Variants in EYS observed in about 807,000 individuals in gnomAD.
EYS encodes protein eyes shut homolog.
EYS carries 250 observed loss-of-function variants against 282.1 expected under a neutral mutation model. That is an observed-to-expected ratio of 0.89 (90% CI 0.80 to 0.98). The LOEUF (loss-of-function observed/expected upper bound fraction) is 0.98, where lower values mean the gene tolerates loss of function less well. Ranked by LOEUF, EYS falls within the 50% of genes least tolerant of loss-of-function variation. The pLI is 0.00. For missense variants in EYS, 4,016 were observed against 3,709.0 expected, an observed-to-expected ratio of 1.08 and a Z score of -2.15; for synonymous variants, 1,355 against 1,282.9, an observed-to-expected ratio of 1.06 and a Z score of -1.20.
intron 36 of EYS, among the ~76,000 whole-genome samples, chr6:63,838,853 A>G (rs1024606875): frequency 3.3e-5 from 5 of 152,108 alleles, no homozygotes; most frequent in African/African-American, 4.8e-5. Context: ...CAGTCTCTTC[A>G]TAAGTGATCT....
intron 31 of EYS, among the ~76,000 whole-genome samples, chr6:64,225,426 C>T (rs543893927): frequency 1.8e-4 from 28 of 152,036 alleles, no homozygotes; most frequent in African/African-American, 6.7e-4. Flanking sequence ...AGAGATTATC[C>T]TGGATTATCT....
chr6:64,786,557 T>A (rs1450539495), intron 22 of EYS, among the ~76,000 whole-genome samples: 1 of 152,102 alleles, frequency 6.6e-6, no homozygotes, highest in African/African-American at 2.4e-5. Context: ...GCAGGGGCAC[T>A]GGTTCTACTT....
chr6:63,981,839 A>G (rs1767112086), intron 35 of EYS, among the ~76,000 whole-genome samples: 1 of 151,868 alleles, frequency 6.6e-6, no homozygotes, highest in Admixed American at 6.6e-5. Context: ...GCTAGAATAA[A>G]AACTCTTTGT....
chr6:64,004,429 A>G (rs1768242196), intron 33 of EYS, among the ~76,000 whole-genome samples: 1 of 151,708 alleles, frequency 6.6e-6, no homozygotes, highest in Non-Finnish European at 1.5e-5. Flanking sequence ...TTAAATAAGG[A>G]GCAATAAGTA....
intron 5 of EYS, among the ~76,000 whole-genome samples, chr6:65,421,758 T>C (rs1767468304): frequency 6.6e-6 from 1 of 151,846 alleles, no homozygotes; most frequent in Admixed American, 6.6e-5. Context: ...CTAATTTCAA[T>C]ATTGTTGTGT....
At chr6:65,440,571 C>A (rs948336115) in intron 5 of EYS, among the ~76,000 whole-genome samples, 3 of 151,476 alleles carry the variant, frequency 2.0e-5, no homozygotes, top group African/African-American at 7.3e-5. Context: ...ATATCTTTTA[C>A]TTTACTGCTC....
chr6:65,076,627 T>G (rs1179394119), intron 12 of EYS, among the ~76,000 whole-genome samples: 2 of 151,874 alleles, frequency 1.3e-5, no homozygotes, highest in Admixed American at 1.3e-4. Context: ...ATAGAAATTA[T>G]CCTCAGAGTG....
chr6:64,297,853 C>T (rs1428661856), intron 30 of EYS, among the ~76,000 whole-genome samples: 9 of 151,938 alleles, frequency 5.9e-5, no homozygotes, highest in Non-Finnish European at 1.5e-5. Flanking sequence ...TTGTGTGTGC[C>T]TGTAATCCCA....
At chr6:64,668,501 A>G (rs1769314930) in intron 22 of EYS, among the ~76,000 whole-genome samples, 1 of 138,092 alleles carries the variant, frequency 7.2e-6, no homozygotes, top group Admixed American at 7.4e-5. Context: ...TTCCCTATTT[A>G]TGGCACTACC....
At chr6:65,291,353 G>A (rs761708477) in intron 12 of EYS, among the ~76,000 whole-genome samples, 39 of 151,538 alleles carry the variant, frequency 2.6e-4, no homozygotes, top group Non-Finnish European at 4.3e-4. Flanking sequence ...TGGTTGAAGT[G>A]TAAATGAGGA....
At chr6:64,361,206 A>G (rs1382588658) in intron 29 of EYS, among the ~76,000 whole-genome samples, 1 of 82,728 alleles carries the variant, frequency 1.2e-5, no homozygotes, top group Admixed American at 1.2e-4. Context: ...TAATCAGAAA[A>G]TATGGTTTTT....
chr6:63,752,519 G>A (rs928062888), intron 41 of EYS, among the ~76,000 whole-genome samples: 2 of 140,912 alleles, frequency 1.4e-5, no homozygotes, highest in African/African-American at 5.4e-5. Flanking sequence ...TTGAGAGGGA[G>A]TCTCACTCTG....
chr6:64,912,597 C>T lies in EYS; in HGVS notation c.2528G>A (p.Gly843Glu), dbSNP rs74419361. The T allele has an allele frequency of 2.5e-4, 383 of 1,551,158 alleles. 2 individuals carry two copies. In the East Asian group the frequency reaches 9.3e-3, roughly 38 times the overall value. The change falls in exon 16 of 43, where the codon GGA becomes GAA. Residue 843 changes from glycine to glutamate, a missense_variant. Coordinates refer to ENST00000503581, the MANE Select transcript of EYS (RefSeq NM_001142800.2). ...GTTATAGCGTTGGTGGCAAAATTGT[C>T]CAGTATAAAGGGGTGGGCACAGACA... ...FVCLCPPLYTGQFCHQRYNLC... is the reference protein window; with the variant it reads ...FVCLCPPLYTEQFCHQRYNLC...
chr6:65,074,905 G>C (rs1024256092), intron 12 of EYS, among the ~76,000 whole-genome samples: 1 of 151,960 alleles, frequency 6.6e-6, no homozygotes, highest in Non-Finnish European at 1.5e-5. Context: ...GTTCACATAA[G>C]ATTACTCCAA....
At chr6:64,610,579 T>C (rs1767083453) in intron 24 of EYS, among the ~76,000 whole-genome samples, 1 of 151,948 alleles carries the variant, frequency 6.6e-6, no homozygotes, top group African/African-American at 2.4e-5. Context: ...AATTTTTGTA[T>C]TTTTAGTAGA....
chr6:64,947,686 A>G (rs1313948750), intron 14 of EYS, among the ~76,000 whole-genome samples: 2 of 146,054 alleles, frequency 1.4e-5, no homozygotes, highest in East Asian at 2.0e-4. Context: ...TTAAAAGAGG[A>G]CTTACATAAA....
chr6:64,382,453 G>C (rs1772779671), intron 29 of EYS, among the ~76,000 whole-genome samples: 1 of 152,118 alleles, frequency 6.6e-6, no homozygotes, highest in Non-Finnish European at 1.5e-5. Context: ...CCATCTTAAT[G>C]ATGACCCTCA....
chr6:64,929,250 A>C (rs1768626297), intron 15 of EYS, among the ~76,000 whole-genome samples: 1 of 152,106 alleles, frequency 6.6e-6, no homozygotes, highest in Non-Finnish European at 1.5e-5. Context: ...TTCAGAAGCC[A>C]AGGGATGCCA....
intron 2 of EYS, among the ~76,000 whole-genome samples, chr6:65,519,533 T>A (rs892946651): frequency 6.7e-6 from 1 of 149,390 alleles, no homozygotes; most frequent in Non-Finnish European, 1.5e-5. Context: ...TATAACTTAA[T>A]AATAGAATAC....
Sources: gnomAD v4.1 joint callset for allele counts (sites outside exome capture counted in the v4.1 genomes callset) on GRCh38, gnomAD v4.1.1 for gene constraint, MANE v1.5 for transcripts, NCBI Gene and HGNC (gene_info 2026-07-23, HGNC 2026-07-21) for gene names.